Variants in SLC4A4 observed in about 807,000 individuals in gnomAD.
SLC4A4 encodes the protein solute carrier family 4 member 4, also known as electrogenic sodium bicarbonate cotransporter 1.
Under a neutral mutation model 111.5 loss-of-function variants are expected in SLC4A4, and 27 were observed. The observed-to-expected ratio is 0.24, with a 90% CI of 0.18 to 0.33. SLC4A4 has a LOEUF of 0.33. Ranked by LOEUF, SLC4A4 falls within the 10% of genes least tolerant of loss-of-function variation. The probability of loss-of-function intolerance (pLI) is 1.00; values close to 1 mark genes in which losing one functional copy is unlikely to be tolerated. For synonymous variants in SLC4A4, 443 were observed against 463.4 expected, an observed-to-expected ratio of 0.96 and a Z score of 0.57; for missense variants, 909 against 1,315.5, an observed-to-expected ratio of 0.69 and a Z score of 4.78.
At chr4:71,101,994 A>G (rs1386831938) in intron 2 of SLC4A4, among the ~76,000 whole-genome samples, 1 of 151,282 alleles carries the variant, frequency 6.6e-6, no homozygotes, top group South Asian at 2.1e-4. Flanking sequence ...GGACATTCAA[A>G]CCAAAGGCAA....
chr4:71,503,605 T>C (rs1304706881), intron 16 of SLC4A4, among the ~76,000 whole-genome samples: 1 of 152,150 alleles, frequency 6.6e-6, no homozygotes, highest in African/African-American at 2.4e-5. Flanking sequence ...ACAATTTATA[T>C]GTTTGTTACC....
chr4:71,094,075 A>G (rs1742469399), intron 2 of SLC4A4, among the ~76,000 whole-genome samples: 1 of 152,194 alleles, frequency 6.6e-6, no homozygotes, highest in East Asian at 1.9e-4. Flanking sequence ...AAAATCTAAA[A>G]TATGTCCCTT....
At chr4:71,271,483 A>G (rs1722696270) in intron 3 of SLC4A4, among the ~76,000 whole-genome samples, 1 of 152,252 alleles carries the variant, frequency 6.6e-6, no homozygotes, top group South Asian at 2.1e-4. Context: ...GGGTGGAAAT[A>G]GAAACCAAAC....
In SLC4A4 at chr4:71,440,506, C is replaced by A. The variant is rs34445073; in HGVS notation, c.808-110C>A. On this transcript the variant is annotated intron_variant, in intron 7 of 25. Transcript: ENST00000264485. ...ATGTCAATTTGTAAAAAGGAATTTC[C>A]TGTGAGTGATACATGGGAAGGCCCT... is the stretch of plus-strand genomic sequence containing the variant. The A allele has an allele frequency of 0.2, 232,776 of 1,192,170 alleles. 27,421 individuals are homozygous for A. Among genetic ancestry groups the A allele is most frequent in the South Asian group, 0.42 (34,382 of 81,420 alleles). 73.8% of individuals were successfully genotyped at this position (1,192,170 alleles called of 1,614,324 possible). A position where few individuals can be genotyped will look rare whatever the true frequency, so the allele number is the denominator to read the frequency against.
intron 2 of SLC4A4, among the ~76,000 whole-genome samples, chr4:71,094,175 C>T (rs960755917): frequency 1.3e-5 from 2 of 152,186 alleles, no homozygotes; most frequent in Non-Finnish European, 2.9e-5. Context: ...GAGTGGCATA[C>T]AGTCATAAAA....
chr4:71,075,925 C>T (rs1741800459), intron 1 of SLC4A4, among the ~76,000 whole-genome samples: 1 of 151,262 alleles, frequency 6.6e-6, no homozygotes, highest in African/African-American at 2.4e-5. Context: ...TGCCATTGCA[C>T]TCCAGCCTGG....
chr4:71,174,553 A>G (rs1165509334), intron 2 of SLC4A4, among the ~76,000 whole-genome samples: 1 of 152,108 alleles, frequency 6.6e-6, no homozygotes, highest in Non-Finnish European at 1.5e-5. Flanking sequence ...TGGCCCACAC[A>G]CCATTTTTTA....
intron 7 of SLC4A4, among the ~76,000 whole-genome samples, chr4:71,402,259 A>G (rs1011530832): frequency 2.0e-5 from 3 of 152,208 alleles, no homozygotes; most frequent in Non-Finnish European, 4.4e-5. Flanking sequence ...TATTGGGGGA[A>G]TAACCCCCAA....
intron 23 of SLC4A4, among the ~76,000 whole-genome samples, chr4:71,563,508 G>T (rs10518089): frequency 1.3e-5 from 2 of 151,652 alleles, no homozygotes; most frequent in Non-Finnish European, 2.9e-5. Flanking sequence ...AAACATTGCT[G>T]ATTGGGAGTC....
chr4:71,252,917 G>C (rs1272851660), intron 2 of SLC4A4, among the ~76,000 whole-genome samples: 1 of 152,118 alleles, frequency 6.6e-6, no homozygotes, highest in East Asian at 1.9e-4. Flanking sequence ...CCCAGTAAAG[G>C]TGATTTTAAA....
intron 1 of SLC4A4, among the ~76,000 whole-genome samples, chr4:71,188,812 A>C (rs1745607185): frequency 6.6e-6 from 1 of 152,216 alleles, no homozygotes; most frequent in Non-Finnish European, 1.5e-5. Flanking sequence ...TGGTCATTTT[A>C]GTACTTAGAC....
rs1370650854 is a variant in SLC4A4 at position 71,180,378 on chromosome 4, A to G, written c.-1-56198A>G. ...GATCTAATTAAACTAAAGAGCTTCC[A>G]CACAGCAAAAGAAACTACCATCAGA... On this transcript the variant is annotated intron_variant, in intron 2 of 26. Coordinates refer to the SLC4A4 transcript ENST00000649996. 7.2e-5 allele frequency among the ~76,000 whole-genome samples: 11 copies of G among 152,264 alleles called. No individual in the cohort carries two copies. The East Asian group carries it at 1.4e-3, about 19-fold the overall frequency.
intron 3 of SLC4A4, among the ~76,000 whole-genome samples, chr4:71,285,877 A>G (rs1297527746): frequency 6.6e-5 from 10 of 152,134 alleles, no homozygotes; most frequent in Non-Finnish European, 1.3e-4. Flanking sequence ...ACTTTTCATA[A>G]CAAAACTTTG....
At chr4:71,131,182 G>A (rs924598057) in intron 2 of SLC4A4, among the ~76,000 whole-genome samples, 14 of 152,144 alleles carry the variant, frequency 9.2e-5, no homozygotes, top group African/African-American at 3.4e-4. Flanking sequence ...TCTCATACTA[G>A]TTTGGCATCT....
At chr4:71,202,949 G>T (rs1221115487) in intron 1 of SLC4A4, among the ~76,000 whole-genome samples, 2 of 147,064 alleles carry the variant, frequency 1.4e-5, no homozygotes, top group East Asian at 3.9e-4. Flanking sequence ...TGTGAGCCAA[G>T]AACCTAATGG....
At chr4:71,292,544 A>G (rs1376554098) in intron 3 of SLC4A4, among the ~76,000 whole-genome samples, 3 of 152,214 alleles carry the variant, frequency 2.0e-5, no homozygotes, top group African/African-American at 7.2e-5. Flanking sequence ...CCAATGCTCT[A>G]TAAAATGTAA....
intron 1 of SLC4A4, among the ~76,000 whole-genome samples, chr4:71,082,326 G>T (rs1404161596): frequency 1.4e-5 from 2 of 144,044 alleles, no homozygotes; most frequent in Non-Finnish European, 3.1e-5. Context: ...CACGTTATTT[G>T]CAAATAACTG....
At chr4:71,462,971 A>C (rs1726980370) in intron 12 of SLC4A4, among the ~76,000 whole-genome samples, 1 of 152,178 alleles carries the variant, frequency 6.6e-6, no homozygotes. Flanking sequence ...CTCCATAAAA[A>C]TACTGAAATT....
intron 4 of SLC4A4, among the ~76,000 whole-genome samples, chr4:71,348,619 A>C (rs73826270): frequency 6.6e-6 from 1 of 152,080 alleles, no homozygotes; most frequent in Admixed American, 6.6e-5. Flanking sequence ...AGGCACATGG[A>C]GGGGAAAGTC....
Sources: gnomAD v4.1 joint callset for allele counts (sites outside exome capture counted in the v4.1 genomes callset) on GRCh38, gnomAD v4.1.1 for gene constraint, MANE v1.5 for transcripts, NCBI Gene and HGNC (gene_info 2026-07-23, HGNC 2026-07-21) for gene names.